Variants in PFKFB3 observed in about 807,000 individuals in gnomAD.
PFKFB3 encodes the protein 6-phosphofructo-2-kinase/fructose-2,6-biphosphatase 3, also known as 6-phosphofructo-2-kinase/fructose-2,6-bisphosphatase 3.
In PFKFB3, 33 loss-of-function variants were observed where a neutral mutation model predicts 68.0. The ratio of observed to expected loss-of-function variants is 0.49; its 90% confidence interval spans 0.37 to 0.65. The LOEUF is 0.65. Ranked by LOEUF, PFKFB3 falls within the 30% of genes least tolerant of loss-of-function variation. PFKFB3 has a pLI of 0.00. For missense variants in PFKFB3, 586 were observed against 712.2 expected, an observed-to-expected ratio of 0.82 and a Z score of 2.02; for synonymous variants, 315 against 288.2, an observed-to-expected ratio of 1.09 and a Z score of -0.94.
intron 14 of PFKFB3, chr10:6,245,963 G>T (rs57879330): frequency 0.16 from 24,237 of 152,138 alleles, 2,573 homozygotes; most frequent in African/African-American, 0.3. Context: ...TGGCAGCTAC[G>T]GCTAACTGAT....
rs1413752943 is a variant in PFKFB3, at chr10:6,180,219, A to ATGGATGGT, written c.17-33397_17-33396insTTGGATGG. 3.3e-5 allele frequency among the ~76,000 whole-genome samples: 5 copies of ATGGATGGT among 151,404 alleles called. No homozygotes were observed. In the East Asian group the frequency reaches 9.7e-4, roughly 30 times the overall value. On this transcript the variant is annotated intron_variant, in intron 1 of 14. Transcript: ENST00000379789. ...CTGTAATTGACATTCTTTTTAATGG[A>ATGGATGGT]TGGATGGAGGAATGAATGAATGATT... is the stretch of plus-strand genomic sequence containing the variant.
chr10:6,233,203 T>TACGGCGA lies in PFKFB3; in HGVS notation c.*261_*262insACGGCGA. 1 of 479,494 alleles carries TACGGCGA rather than the reference T, an allele frequency of 2.1e-6. No homozygotes were observed. The highest frequency in any genetic ancestry group is 3.8e-6 in the Non-Finnish European group (1 of 265,118). The allele number at this position is 479,494 out of a possible 1,614,324, so 29.7% of individuals were successfully genotyped here. ...CCACTCTCTGGGTTTCCTAGGAATG[T>TACGGCGA]CCAGCCTCGGAGACCTTCACAAAGC... On this transcript the variant is annotated 3_prime_UTR_variant, in exon 15 of 15. Coordinates refer to ENST00000379775, the MANE Select transcript of PFKFB3 (RefSeq NM_004566.4).
chr10:6,197,734 G>C (rs1843212894), intron 1 of PFKFB3: 1 of 152,212 alleles, frequency 6.6e-6, no homozygotes, highest in African/African-American at 2.4e-5. Flanking sequence ...GACTGGGAAG[G>C]AGGAAGAGGG....
intron 1 of PFKFB3, among the ~76,000 whole-genome samples, chr10:6,178,147 C>T (rs1039313214): frequency 6.6e-6 from 1 of 152,168 alleles, no homozygotes; most frequent in Non-Finnish European, 1.5e-5. Flanking sequence ...AATCTGAAGC[C>T]CGGTGACCTT....
downstream of PFKFB3, among the ~76,000 whole-genome samples, chr10:6,255,167 C>T (rs1460752829): frequency 1.3e-5 from 2 of 150,810 alleles, no homozygotes; most frequent in Admixed American, 6.7e-5. Context: ...GAGTCTTACC[C>T]AGGCTGGAGT....
intron 14 of PFKFB3, among the ~76,000 whole-genome samples, chr10:6,252,505 A>G (rs1240780584): frequency 6.6e-6 from 1 of 152,206 alleles, no homozygotes; most frequent in African/African-American, 2.4e-5. Context: ...GTTATTTATG[A>G]TAAGGACAAA....
At chr10:6,188,980 G>A (rs939173249) in intron 1 of PFKFB3, among the ~76,000 whole-genome samples, 19 of 151,496 alleles carry the variant, frequency 1.3e-4, no homozygotes, top group Admixed American at 2.6e-4. Context: ...GACTACAGGC[G>A]CCCGCCACCT....
At chr10:6,205,152 A>G (rs1843600914) in intron 1 of PFKFB3, among the ~76,000 whole-genome samples, 1 of 152,174 alleles carries the variant, frequency 6.6e-6, no homozygotes, top group African/African-American at 2.4e-5. Flanking sequence ...TACTGCTGGT[A>G]TCCTCCTGTG....
At chr10:6,322,050 C>T in the PFKFB3 span, among the ~76,000 whole-genome samples, 226 of 152,296 alleles carry the variant, frequency 1.5e-3, no homozygotes, top group African/African-American at 5.3e-3. Flanking sequence ...CAGCGCTTTC[C>T]CCTGGGTGTT....
chr10:6,233,084 C>A lies in PFKFB3; in HGVS notation c.*142C>A. The A allele has an allele frequency of 1.4e-6, 1 of 697,846 alleles. No individual in the cohort carries two copies. The highest frequency in any genetic ancestry group is 1.7e-5 in the South Asian group (1 of 60,098). 43.2% of individuals were successfully genotyped at this position (697,846 alleles called of 1,614,324 possible). A position where few individuals can be genotyped will look rare whatever the true frequency, so the allele number is the denominator to read the frequency against. ...CGGGGGAGCCTTGGCCGAAGAGAAC[C>A]ATGCTTGGCACCGTCTGTGTCCCCT... On this transcript the variant is annotated 3_prime_UTR_variant, in exon 15 of 15. Transcript: ENST00000379775.
intron 1 of PFKFB3, among the ~76,000 whole-genome samples, chr10:6,148,419 A>G (rs1841466637): frequency 6.6e-6 from 1 of 152,208 alleles, no homozygotes; most frequent in Admixed American, 6.5e-5. Context: ...TGGTGGCTGC[A>G]TCTGGGCCAT....
chr10:6,262,334 G>A, the PFKFB3 span, among the ~76,000 whole-genome samples: 9 of 142,090 alleles, frequency 6.3e-5, no homozygotes, highest in Non-Finnish European at 9.2e-5. Context: ...GGTGCCTGTA[G>A]TCCCAGCTGC....
chr10:6,216,104 G>A lies in PFKFB3; in HGVS notation c.300-21G>A, dbSNP rs776249437. 6 of 1,611,134 alleles carry A rather than the reference G, an allele frequency of 3.7e-6. No individual in the cohort carries two copies. The South Asian group carries it at 5.5e-5, about 15-fold the overall frequency. ...CGGATGCACCGGCGCTGACATTCGG[G>A]CAATGTCTTGTGCATTCCAGGCAAT... On this transcript the variant is annotated intron_variant, in intron 3 of 14. Transcript: ENST00000379775.
At chr10:6,310,211 C>T in the PFKFB3 span, among the ~76,000 whole-genome samples, 1 of 152,138 alleles carries the variant, frequency 6.6e-6, no homozygotes, top group Non-Finnish European at 1.5e-5. Context: ...GCAGTAGCCA[C>T]AGCCAGGCCC....
the PFKFB3 span, among the ~76,000 whole-genome samples, chr10:6,314,939 G>T: frequency 6.6e-6 from 1 of 152,278 alleles, no homozygotes; most frequent in Admixed American, 6.5e-5. Context: ...CAGCTCAAAG[G>T]GGCATGGCCT....
intron 14 of PFKFB3, among the ~76,000 whole-genome samples, chr10:6,244,623 T>A (rs7916509): frequency 0.56 from 85,013 of 151,770 alleles, 24,873 homozygotes; most frequent in African/African-American, 0.72. Context: ...AATTAGTTCT[T>A]TTGCAAGCAG....
downstream of PFKFB3, among the ~76,000 whole-genome samples, chr10:6,239,443 A>G (rs939776218): frequency 6.6e-6 from 1 of 152,162 alleles, no homozygotes; most frequent in Non-Finnish European, 1.5e-5. Context: ...ATCACAGGAA[A>G]GGGAGTTGAG....
At chr10:6,240,553 C>T (rs1318227258) in intron 14 of PFKFB3, among the ~76,000 whole-genome samples, 5 of 152,234 alleles carry the variant, frequency 3.3e-5, no homozygotes, top group Admixed American at 6.5e-5. Flanking sequence ...CGTGAGCCGC[C>T]GCGCCTGGCC....
At chr10:6,242,110 C>T (rs968272482) in intron 14 of PFKFB3, among the ~76,000 whole-genome samples, 2 of 152,100 alleles carry the variant, frequency 1.3e-5, no homozygotes, top group Non-Finnish European at 2.9e-5. Flanking sequence ...TCTCAAAGTG[C>T]AGGGATTATA....
Sources: gnomAD v4.1 joint callset for allele counts (sites outside exome capture counted in the v4.1 genomes callset) on GRCh38, gnomAD v4.1.1 for gene constraint, MANE v1.5 for transcripts, NCBI Gene and HGNC (gene_info 2026-07-23, HGNC 2026-07-21) for gene names.